Variants in TRPC7 observed in about 807,000 individuals in gnomAD.
TRPC7 encodes transient receptor potential cation channel subfamily C member 7.
In TRPC7, 42 loss-of-function variants were observed where a neutral mutation model predicts 90.1. The observed-to-expected ratio is 0.47, with a 90% CI of 0.36 to 0.60. The LOEUF is 0.60. Among genes scored for constraint, TRPC7 ranks in the 20% least tolerant of loss-of-function variants. The probability of loss-of-function intolerance (pLI) is 0.00; values close to 1 mark genes in which losing one functional copy is unlikely to be tolerated. For synonymous variants in TRPC7, 451 were observed against 436.3 expected, an observed-to-expected ratio of 1.03 and a Z score of -0.42; for missense variants, 955 against 1,112.3, an observed-to-expected ratio of 0.86 and a Z score of 2.01.
At chr5:136,217,139 G>A (rs999695660) in intron 10 of TRPC7, among the ~76,000 whole-genome samples, 3 of 152,206 alleles carry the variant, frequency 2.0e-5, no homozygotes, top group African/African-American at 7.2e-5. Flanking sequence ...CAAGAGATGA[G>A]CAGTGTGGAA....
chr5:136,259,883 G>C (rs1040593779), intron 5 of TRPC7, among the ~76,000 whole-genome samples: 1 of 152,304 alleles, frequency 6.6e-6, no homozygotes, highest in Admixed American at 6.5e-5. Flanking sequence ...TGTTCTCCTG[G>C]AGTTTCTTTG....
chr5:136,260,787 G>A (rs1474133817), intron 5 of TRPC7, among the ~76,000 whole-genome samples: 1 of 152,224 alleles, frequency 6.6e-6, no homozygotes, highest in African/African-American at 2.4e-5. Flanking sequence ...GCAGCAGCAA[G>A]GAGACCTGGA....
At chr5:136,313,086 G>A (rs902677673) in intron 3 of TRPC7, among the ~76,000 whole-genome samples, 8 of 149,754 alleles carry the variant, frequency 5.3e-5, no homozygotes, top group Admixed American at 3.4e-4. Flanking sequence ...CATAGTGTTG[G>A]CATTACAGGC....
chr5:136,291,300 T>G (rs2149824580), intron 3 of TRPC7, among the ~76,000 whole-genome samples: 1 of 152,242 alleles, frequency 6.6e-6, no homozygotes, highest in South Asian at 2.1e-4. Context: ...AATACTAACC[T>G]TAAATGTAAA....
chr5:136,305,641 C>T (rs889133446), intron 3 of TRPC7, among the ~76,000 whole-genome samples: 7 of 152,170 alleles, frequency 4.6e-5, no homozygotes, highest in South Asian at 4.1e-4. Flanking sequence ...GAGAAGGCCA[C>T]GGCAGTCATT....
chr5:136,234,468 C>T (rs1189540044), intron 7 of TRPC7, among the ~76,000 whole-genome samples: 1 of 152,054 alleles, frequency 6.6e-6, no homozygotes, highest in African/African-American at 2.4e-5. Context: ...CGCCACTGTG[C>T]CCAGCTAATT....
rs1228847856 is a variant in TRPC7, at chr5:136,356,689, C to T, written c.699G>A (p.Leu233=). The T allele has an allele frequency of 6.2e-7, 1 of 1,606,922 alleles. No homozygotes were observed. Among genetic ancestry groups the T allele is most frequent in the Non-Finnish European group, 8.5e-7 (1 of 1,175,846 alleles). ...CGGTGAGGACAGGGTCTTCGCTGGA[C>T]AGGGACAAGTAGGCAGCACTCGCCA... is the stretch of plus-strand genomic sequence containing the variant. ...KGLASAAYLS[L]SSEDPVLTAL... is the part of the protein sequence containing the mutation. Residue 233 remains leucine, a synonymous_variant, in exon 2 of 12, where the codon CTG becomes CTA. Transcript: ENST00000513104.
chr5:136,339,500 G>A (rs901605579), intron 2 of TRPC7, among the ~76,000 whole-genome samples: 1 of 152,136 alleles, frequency 6.6e-6, no homozygotes, highest in African/African-American at 2.4e-5. Context: ...TGGTCCTATA[G>A]ATAACATCAC....
intron 5 of TRPC7, among the ~76,000 whole-genome samples, chr5:136,262,653 T>C (rs1322584649): frequency 6.6e-6 from 1 of 152,242 alleles, no homozygotes; most frequent in Admixed American, 6.5e-5. Context: ...AAAAGTGTTC[T>C]GATTTCTGTT....
Position 136,365,377 on chromosome 5 carries a change from T to G in TRPC7, c.-123A>C. ...TACCGCTCTCCGTGGTGCTGAAGTA[T>G]AGAGCTGGTCAAGTGAGTTAAGTTG... On this transcript the variant is annotated 5_prime_UTR_variant, in exon 1 of 12. Coordinates refer to ENST00000513104, the MANE Select transcript of TRPC7 (RefSeq NM_020389.3). 5.9e-6 allele frequency: 6 copies of G among 1,016,430 alleles called. No individual in the cohort carries two copies. Among genetic ancestry groups the G allele is most frequent in the Non-Finnish European group, 7.4e-6 (5 of 675,834 alleles). The allele number at this position is 1,016,430 out of a possible 1,614,324, so 63.0% of individuals were successfully genotyped here.
chr5:136,259,310 T>A (rs1756780148), intron 5 of TRPC7, among the ~76,000 whole-genome samples: 1 of 152,146 alleles, frequency 6.6e-6, no homozygotes, highest in Admixed American at 6.5e-5. Flanking sequence ...TGCCATGCCC[T>A]CCACTGGGAA....
rs545856664 is a variant in TRPC7, at chr5:136,247,674, G to T, written c.1641C>A (p.Ala547=). ...CAATGCGAGAGAAGCTCAGCACGAC[G>T]GCTATCGCGTAGAGCCCTTCCGATA... is the stretch of plus-strand genomic sequence containing the variant. ...QIISEGLYAI[A]VVLSFSRIAY... The change falls in exon 7 of 12, where the codon GCC becomes GCA. Residue 547 remains alanine (A), a synonymous_variant. Coordinates refer to ENST00000513104, the MANE Select transcript of TRPC7 (RefSeq NM_020389.3). The surrounding 1 kb of genome is among the most constrained non-coding windows in gnomAD (Gnocchi z 4.2). 3.7e-6 allele frequency: 6 copies of T among 1,613,964 alleles called. No homozygotes were observed. The African/African-American group carries it at 8.0e-5, about 22-fold the overall frequency.
At chr5:136,322,768 AT>A (rs1759237768) in intron 2 of TRPC7, among the ~76,000 whole-genome samples, 5 of 152,212 alleles carry the variant, frequency 3.3e-5, no homozygotes. Flanking sequence ...CTTATTTGCC[AT>A]CTTTGTATCT....
chr5:136,356,481 G>A, intron 2 of TRPC7, 127 bp downstream of exon 2: 5 of 973,470 alleles, frequency 5.1e-6, no homozygotes, highest in East Asian at 2.8e-5. Flanking sequence ...CTCCTCCCCT[G>A]GGCCTGCTCA....
At chr5:136,287,090 G>A (rs1757744043) in intron 3 of TRPC7, among the ~76,000 whole-genome samples, 1 of 152,118 alleles carries the variant, frequency 6.6e-6, no homozygotes, top group South Asian at 2.1e-4. Context: ...CCTAAGCCAT[G>A]AACGCTCGCC....
At chr5:136,283,768 T>TTTCATTTCCC (rs1299096726) in intron 3 of TRPC7, among the ~76,000 whole-genome samples, 2 of 152,342 alleles carry the variant, frequency 1.3e-5, no homozygotes, top group East Asian at 3.9e-4. Flanking sequence ...CCTTATTTCC[T>TTTCATTTCCC]GCCCTTTCAT....
intron 2 of TRPC7, among the ~76,000 whole-genome samples, chr5:136,328,639 G>A (rs547723739): frequency 1.3e-5 from 2 of 152,318 alleles, no homozygotes; most frequent in East Asian, 3.9e-4. Context: ...GGCTGATAAT[G>A]CCATCTACTT....
intron 3 of TRPC7, among the ~76,000 whole-genome samples, chr5:136,290,298 C>T (rs1425908590): frequency 2.6e-5 from 4 of 152,176 alleles, no homozygotes; most frequent in Non-Finnish European, 5.9e-5. Context: ...TGGAGAATGA[C>T]TTTGACGAAT....
chr5:136,244,847 G>T (rs1057192936), intron 7 of TRPC7, among the ~76,000 whole-genome samples: 10 of 152,204 alleles, frequency 6.6e-5, no homozygotes, highest in Non-Finnish European at 1.5e-4. Context: ...AATGTGCTTG[G>T]CCTGTGCTGG....
Sources: allele counts gnomAD v4.1 joint callset (sites outside exome capture counted in the v4.1 genomes callset), GRCh38; gene constraint gnomAD v4.1.1; non-coding constraint Gnocchi (gnomAD v3.1); transcripts MANE v1.5; gene names NCBI Gene and HGNC (gene_info 2026-07-23, HGNC 2026-07-21).